ADAMTS5: variants seen among roughly 807,000 people sequenced by gnomAD.
The protein encoded by ADAMTS5 is A disintegrin and metalloproteinase with thrombospondin motifs 5.
ADAMTS5 carries 54 observed loss-of-function variants against 81.4 expected under a neutral mutation model. That is an observed-to-expected ratio of 0.66 (90% CI 0.53 to 0.83). ADAMTS5 has a LOEUF of 0.83. Ranked by LOEUF, ADAMTS5 falls within the 40% of genes least tolerant of loss-of-function variation. ADAMTS5 has a pLI of 0.00. For synonymous variants in ADAMTS5, 532 were observed against 508.8 expected (o/e 1.05, Z -0.61); for missense variants, 1,194 against 1,229.9 (o/e 0.97, Z 0.44).
At chr21:26,963,884 A>G (rs1601022875) in intron 1 of ADAMTS5, among the ~76,000 whole-genome samples, 1 of 151,972 alleles carries the variant, frequency 6.6e-6, no homozygotes, top group Admixed American at 6.6e-5. Flanking sequence ...CTCTCCCTAA[A>G]CTGCCGCCCT....
chr21:26,928,562 T>C (rs1043665073), intron 7 of ADAMTS5, among the ~76,000 whole-genome samples: 11 of 152,144 alleles, frequency 7.2e-5, no homozygotes, highest in African/African-American at 2.7e-4. Context: ...TTAAAAGTAG[T>C]TTTGTTTCTA....
At chr21:26,935,963 C>T (rs1987007103) in intron 3 of ADAMTS5, among the ~76,000 whole-genome samples, 1 of 152,126 alleles carries the variant, frequency 6.6e-6, no homozygotes, top group Non-Finnish European at 1.5e-5. Flanking sequence ...TCACCACAAC[C>T]CCATCAGGCA....
chr21:26,928,151 A>G (rs1986838047), intron 7 of ADAMTS5, among the ~76,000 whole-genome samples: 1 of 152,166 alleles, frequency 6.6e-6, no homozygotes, highest in Non-Finnish European at 1.5e-5. Context: ...TTTCCACTTT[A>G]CTTTTGAGAA....
At position 26,932,907 on chromosome 21, in the gene ADAMTS5, C is replaced by T; in HGVS notation, c.1827G>A (p.Lys609=). The change falls in exon 5 of 8, where the codon AAG becomes AAA. Residue 609 remains lysine (K), a synonymous_variant. Coordinates refer to ENST00000284987, the MANE Select transcript of ADAMTS5 (RefSeq NM_007038.5). ...PRNNGRYCTG[K]RAIYRSCSLM... ...GACTGCAGGAGCGGTAGATGGCCCT[C>T]TTCCCTGTGCAGTAGCGTCCGTTGT... is the stretch of plus-strand genomic sequence containing the variant. 2.5e-6 allele frequency: 4 copies of T among 1,613,792 alleles called. No individual in the cohort carries two copies. The highest frequency in any genetic ancestry group is 3.4e-6 in the Non-Finnish European group (4 of 1,179,910).
In ADAMTS5 at chr21:26,932,187, A is replaced by G; in HGVS notation, c.1874-8T>C. ...CATGACGAAATGATTTACCTAGAAAACAAACATGTTTCAGTATTACCTTAT... is the reference window on the plus strand; with the variant it reads ...CATGACGAAATGATTTACCTAGAAAGCAAACATGTTTCAGTATTACCTTAT... On this transcript the variant is annotated splice_polypyrimidine_tract_variant and splice_region_variant and intron_variant, in intron 5 of 7. Transcript: ENST00000284987. 1.2e-6 allele frequency: 2 copies of G among 1,611,216 alleles called. No individual in the cohort carries two copies. Among genetic ancestry groups the G allele is most frequent in the Non-Finnish European group, 1.7e-6 (2 of 1,178,300 alleles).
At chr21:26,963,079 G>T (rs1264761554) in intron 1 of ADAMTS5, among the ~76,000 whole-genome samples, 3 of 151,910 alleles carry the variant, frequency 2.0e-5, no homozygotes, top group African/African-American at 7.3e-5. Context: ...AACCACAAAT[G>T]AAATTTGTTT....
intron 7 of ADAMTS5, among the ~76,000 whole-genome samples, chr21:26,925,362 T>G (rs1986787810): frequency 6.6e-6 from 1 of 152,202 alleles, no homozygotes; most frequent in Non-Finnish European, 1.5e-5. Context: ...AAGGGGAATT[T>G]TTTTAAATGA....
Position 26,951,606 on chromosome 21 carries a change from G to A in ADAMTS5, c.1237+3133C>T, listed in dbSNP as rs933766720. ...AGGCAGGAGAATCTCTTGAACCTGG[G>A]AGGCAGAGGTTGCAGTGAGCTGAGC... is the stretch of plus-strand genomic sequence containing the variant. On this transcript the variant is annotated intron_variant, in intron 2 of 7. Transcript: ENST00000284987. 6.1e-5 allele frequency among the ~76,000 whole-genome samples: 8 copies of A among 131,776 alleles called. No individual in the cohort carries two copies. The East Asian group carries it at 1.5e-3, about 25-fold the overall frequency. The allele number at this position is 131,776 out of a possible 152,430, so 86.5% of individuals were successfully genotyped here.
intron 2 of ADAMTS5, among the ~76,000 whole-genome samples, chr21:26,950,864 AT>A (rs34025933): frequency 9.1e-4 from 137 of 151,332 alleles, no homozygotes; most frequent in Middle Eastern, 3.4e-3. Flanking sequence ...TCAAGGTAAG[AT>A]TTTTTTTTAG....
chr21:26,963,507 C>T (rs933060324), intron 1 of ADAMTS5, among the ~76,000 whole-genome samples: 4 of 151,318 alleles, frequency 2.6e-5, no homozygotes, highest in African/African-American at 7.3e-5. Flanking sequence ...CACTCCTTGG[C>T]GCAGTATGCT....
chr21:26,938,132 C>T (rs1020574802), intron 3 of ADAMTS5, among the ~76,000 whole-genome samples: 2 of 151,322 alleles, frequency 1.3e-5, no homozygotes, highest in African/African-American at 4.9e-5. Flanking sequence ...CCCAGCTACT[C>T]GGGAGGGAGG....
At chr21:26,931,640 G>GA (rs35259383) in intron 6 of ADAMTS5, among the ~76,000 whole-genome samples, 1 of 152,082 alleles carries the variant, frequency 6.6e-6, no homozygotes, top group Admixed American at 6.6e-5. Context: ...TAGAAAAATA[G>GA]AAAAAGTTTT....
chr21:26,930,423 T>G (rs1986885830), intron 6 of ADAMTS5, among the ~76,000 whole-genome samples: 1 of 152,228 alleles, frequency 6.6e-6, no homozygotes, highest in Non-Finnish European at 1.5e-5. Context: ...GAACTGAATA[T>G]GAGCAGGCTT....
intron 7 of ADAMTS5, among the ~76,000 whole-genome samples, chr21:26,928,469 T>C (rs907650826): frequency 6.6e-6 from 1 of 152,230 alleles, no homozygotes; most frequent in Non-Finnish European, 1.5e-5. Context: ...ATACTTAAAA[T>C]GCTAAATTTA....
chr21:26,954,338 A>T (rs1443997007), intron 2 of ADAMTS5, among the ~76,000 whole-genome samples: 2 of 152,138 alleles, frequency 1.3e-5, no homozygotes, highest in African/African-American at 2.4e-5. Flanking sequence ...GAAATAAAAC[A>T]TGTTAAATTT....
Position 26,954,737 on chromosome 21 carries a change from A to G in ADAMTS5, c.1237+2T>C. ...TGAGGGAAAAGAAAAGGCGCTGCAT[A>G]CCGATTTCGTGAGCCACAGTGAAGG... On this transcript the variant is annotated splice_donor_variant, in intron 2 of 7. Transcript: ENST00000284987. LOFTEE classifies it high-confidence loss of function. The G allele has an allele frequency of 1.2e-6, 2 of 1,613,764 alleles. No individual in the cohort carries two copies. The highest frequency in any genetic ancestry group is 1.7e-6 in the Non-Finnish European group (2 of 1,179,880).
rs1987645184 is a variant in ADAMTS5 at position 26,965,874 on chromosome 21, CA to C, written c.517del (p.Trp173GlyfsTer120). ...YTLKPLLRGP[W>X]AEEEKGRVYG... Reference sequence around the variant, plus strand: ...CACGCGCCCCTTTTCTTCCTCCGCCCAGGGTCCGCGCAGCAGTGGCTTTAGG... The same window carrying C: ...CACGCGCCCCTTTTCTTCCTCCGCCCGGGTCCGCGCAGCAGTGGCTTTAGG... On this transcript the variant is annotated frameshift_variant, in exon 1 of 8. Transcript: ENST00000284987. LOFTEE classifies it high-confidence loss of function. 6.2e-7 allele frequency: 1 copy of C among 1,613,634 alleles called. No homozygotes were observed. The highest frequency in any genetic ancestry group is 8.5e-7 in the Non-Finnish European group (1 of 1,179,900).
chr21:26,932,332 A>G (rs1986926066), intron 5 of ADAMTS5, among the ~76,000 whole-genome samples, 153 bp from the exon 6 acceptor site: 1 of 152,160 alleles, frequency 6.6e-6, no homozygotes, highest in Non-Finnish European at 1.5e-5. Flanking sequence ...GATTTTATCT[A>G]TACATAGAGT....
chr21:26,933,195 A>C, intron 4 of ADAMTS5, 151 bp from the exon 5 acceptor site: 3 of 857,978 alleles, frequency 3.5e-6, no homozygotes, highest in East Asian at 2.7e-5. Flanking sequence ...CATGCTTTGG[A>C]AATGCAACAC....
Sources: allele counts gnomAD v4.1 joint callset (sites outside exome capture counted in the v4.1 genomes callset), GRCh38; gene constraint gnomAD v4.1.1; transcripts MANE v1.5; gene names NCBI Gene and HGNC (gene_info 2026-07-23, HGNC 2026-07-21).